PIK3AP1: variants seen among roughly 807,000 people sequenced by gnomAD.
PIK3AP1 encodes phosphoinositide-3-kinase adaptor protein 1, also known as phosphoinositide 3-kinase adapter protein 1.
Under a neutral mutation model 88.1 loss-of-function variants are expected in PIK3AP1, and 21 were observed. The ratio of observed to expected loss-of-function variants is 0.24; its 90% CI spans 0.17 to 0.34. The LOEUF (loss-of-function observed/expected upper bound fraction) is 0.34, where lower values mean the gene tolerates loss of function less well. Among genes scored for constraint, PIK3AP1 ranks in the 10% least tolerant of loss-of-function variants. PIK3AP1 has a pLI of 1.00. For synonymous variants in PIK3AP1, 398 were observed against 400.0 expected (o/e 1.00, Z 0.06); for missense variants, 828 against 1,035.7 (o/e 0.80, Z 2.75).
At chr10:96,687,753 A>G (rs1318186409) in intron 2 of PIK3AP1, among the ~76,000 whole-genome samples, 2 of 152,040 alleles carry the variant, frequency 1.3e-5, no homozygotes, top group Non-Finnish European at 2.9e-5. Flanking sequence ...AACTTCCTCC[A>G]CAACTCAGGG....
chr10:96,648,643 C>A lies in PIK3AP1; in HGVS notation c.1185+16G>T. On this transcript the variant is annotated intron_variant, in intron 7 of 16. Coordinates refer to ENST00000339364, the MANE Select transcript of PIK3AP1 (RefSeq NM_152309.3). ...AGTGCATTTCCAATCCTGGGCCCCT[C>A]CTGCCTTGACCTTACCACATACTCG... is the stretch of plus-strand genomic sequence containing the variant. The A allele has an allele frequency of 1.3e-6, 2 of 1,584,354 alleles. No homozygotes were observed. Among genetic ancestry groups the A allele is most frequent in the Non-Finnish European group, 1.7e-6 (2 of 1,170,068 alleles).
chr10:96,604,517 T>A (rs74151386), intron 14 of PIK3AP1, among the ~76,000 whole-genome samples: 2,261 of 152,054 alleles, frequency 0.015, 49 homozygotes, highest in African/African-American at 0.051. Context: ...TTTATTAGAG[T>A]TCAGTTTTTC....
At chr10:96,636,975 T>C (rs922615111) in intron 8 of PIK3AP1, among the ~76,000 whole-genome samples, 9 of 152,204 alleles carry the variant, frequency 5.9e-5, no homozygotes, top group African/African-American at 2.2e-4. Context: ...TCCATCCAGA[T>C]TATATGCTGT....
In PIK3AP1 at chr10:96,620,172, G is replaced by A. The variant is rs576863099; in HGVS notation, c.1941+180C>T. ...ACCCAGCTCTCAGCCAGGGAGCCAT[G>A]TGGTTACAGACCGAGGTGACACTCA... On this transcript the variant is annotated intron_variant, in intron 12 of 16. Coordinates refer to ENST00000339364, the MANE Select transcript of PIK3AP1 (RefSeq NM_152309.3). 4.6e-5 allele frequency among the ~76,000 whole-genome samples: 7 copies of A among 152,298 alleles called. No individual in the cohort carries two copies. In the East Asian group the frequency reaches 7.7e-4, roughly 17 times the overall value.
At chr10:96,621,764 G>C (rs974131863) in intron 11 of PIK3AP1, 1 of 152,272 alleles carries the variant, frequency 6.6e-6, no homozygotes, top group Non-Finnish European at 1.5e-5. Flanking sequence ...CTTTAGACAA[G>C]TATTTCTCAA....
At chr10:96,650,241 T>TA (rs1218100802) in intron 6 of PIK3AP1, among the ~76,000 whole-genome samples, 5 of 152,154 alleles carry the variant, frequency 3.3e-5, no homozygotes, top group Non-Finnish European at 5.9e-5. Context: ...GAAAGTCATG[T>TA]AAACTCACCC....
intron 8 of PIK3AP1, among the ~76,000 whole-genome samples, chr10:96,638,469 C>G (rs1422924851): frequency 1.2e-5 from 1 of 85,854 alleles, no homozygotes; most frequent in African/African-American, 4.6e-5. Context: ...CACACACACA[C>G]AGACACACAC....
intron 8 of PIK3AP1, among the ~76,000 whole-genome samples, chr10:96,639,379 C>T (rs1843355396): frequency 6.6e-6 from 1 of 152,132 alleles, no homozygotes; most frequent in Admixed American, 6.5e-5. Flanking sequence ...CCTATCGAGG[C>T]CAGGAGAGGG....
At chr10:96,710,125 C>A in intron 1 of PIK3AP1, 142 bp from the exon 2 acceptor site, 1 of 698,502 alleles carries the variant, frequency 1.4e-6, no homozygotes, top group Non-Finnish European at 2.3e-6. Context: ...ACCAGCACAC[C>A]TCACTCACGC....
At chr10:96,619,177 G>A (rs911454582) in intron 12 of PIK3AP1, among the ~76,000 whole-genome samples, 7 of 152,160 alleles carry the variant, frequency 4.6e-5, no homozygotes, top group Non-Finnish European at 7.3e-5. Flanking sequence ...TCTATTTAAC[G>A]CTGAGCACAA....
Position 96,594,107 on chromosome 10 carries a change from G to C in PIK3AP1, c.*1470C>G, listed in dbSNP as rs1848718095. On this transcript the variant is annotated 3_prime_UTR_variant, in exon 17 of 17. Transcript: ENST00000339364. This position sits in a 1 kb window ranked among gnomAD's most constrained non-coding sequence, Gnocchi z 4.6. ...ATTAAGGACCTCTGATTTGAAGGTA[G>C]ATTTATGTGCCAGGGACTCCAAATT... 1 of 152,176 alleles carries C rather than the reference G, an allele frequency of 6.6e-6. No homozygotes were observed. The highest frequency in any genetic ancestry group is 1.5e-5 in the Non-Finnish European group (1 of 68,032). 9.4% of individuals were successfully genotyped at this position (152,176 alleles called of 1,614,324 possible). A position where few individuals can be genotyped will look rare whatever the true frequency, so the allele number is the denominator to read the frequency against.
chr10:96,686,368 A>G (rs143548775), intron 2 of PIK3AP1, among the ~76,000 whole-genome samples: 1,795 of 152,248 alleles, frequency 0.012, 13 homozygotes, highest in African/African-American at 0.03. Flanking sequence ...CCCTGCTCCT[A>G]CTGGATTTAC....
Position 96,662,888 on chromosome 10 carries a change from CAAAAAAAA to C in PIK3AP1, c.431-5962_431-5955del, listed in dbSNP as rs749898725. Among the ~76,000 whole-genome samples the C allele has an allele frequency of 1.5e-3, 33 of 22,574 alleles. 1 individual carries two copies. The highest frequency in any genetic ancestry group is 5.8e-3 in the East Asian group (4 of 694). The allele number at this position is 22,574 out of a possible 152,430, so 14.8% of individuals were successfully genotyped here. A position where few individuals can be genotyped will look rare whatever the true frequency, so the allele number is the denominator to read the frequency against. ...TGGGCGACAGAGCGAGACTCCGTCT[CAAAAAAAA>C]AAAAAAAAAAAAAAAAAAAAAGAGG... On this transcript the variant is annotated intron_variant, in intron 2 of 16. Transcript: ENST00000339364.
At chr10:96,608,572 T>C (rs1849042713) in intron 14 of PIK3AP1, among the ~76,000 whole-genome samples, 2 of 152,224 alleles carry the variant, frequency 1.3e-5, no homozygotes, top group Non-Finnish European at 2.9e-5. Flanking sequence ...AAATTCTCTC[T>C]CTTTCCGGGT....
rs182245551 is a variant in PIK3AP1, at chr10:96,641,891, T to A, written c.1375+3582A>T. Among the ~76,000 whole-genome samples the A allele has an allele frequency of 1.4e-3, 219 of 152,316 alleles. 1 individual carries two copies. Among genetic ancestry groups the A allele is most frequent in the African/African-American group, 4.9e-3 (202 of 41,564 alleles). On this transcript the variant is annotated intron_variant, in intron 8 of 16. Transcript: ENST00000339364. ...TTATTCTGCTGGGCGGTGCTGCAAATACGCATTTTAGATTTAGCAGTTTGT... is the reference window on the plus strand; with the variant it reads ...TTATTCTGCTGGGCGGTGCTGCAAAAACGCATTTTAGATTTAGCAGTTTGT...
intron 2 of PIK3AP1, among the ~76,000 whole-genome samples, chr10:96,693,601 T>G (rs2134276242): frequency 6.6e-6 from 1 of 152,326 alleles, no homozygotes; most frequent in South Asian, 2.1e-4. Context: ...AACCTTCACG[T>G]AACACTTTCT....
At chr10:96,711,550 A>G (rs143126688) in intron 1 of PIK3AP1, among the ~76,000 whole-genome samples, 1 of 152,302 alleles carries the variant, frequency 6.6e-6, no homozygotes, top group African/African-American at 2.4e-5. Flanking sequence ...CCTGGGCCGC[A>G]TTTCATTGAT....
intron 2 of PIK3AP1, among the ~76,000 whole-genome samples, chr10:96,679,522 C>T (rs1371613542): frequency 4.0e-5 from 6 of 150,550 alleles, no homozygotes; most frequent in Admixed American, 2.0e-4. Flanking sequence ...AGCAAGACTC[C>T]GTCTCAAAAA....
intron 2 of PIK3AP1, among the ~76,000 whole-genome samples, chr10:96,681,970 A>G (rs921652421): frequency 8.9e-5 from 13 of 146,540 alleles, no homozygotes; most frequent in African/African-American, 3.3e-4. Flanking sequence ...TTTAAAAAAT[A>G]TGCATACATA....
Sources: gnomAD v4.1 joint callset for allele counts (sites outside exome capture counted in the v4.1 genomes callset) on GRCh38, gnomAD v4.1.1 for gene constraint, Gnocchi (gnomAD v3.1) non-coding constraint, MANE v1.5 for transcripts, NCBI Gene and HGNC (gene_info 2026-07-23, HGNC 2026-07-21) for gene names.